The following ERC1 variants were observed in gnomAD, a reference collection of about 807,000 sequenced individuals.
ERC1 encodes ELKS/RAB6-interacting/CAST family member 1, also known as RAB6 interacting protein 2.
Under a neutral mutation model 132.0 loss-of-function variants are expected in ERC1, and 56 were observed. The ratio of observed to expected loss-of-function variants is 0.42; its 90% confidence interval spans 0.34 to 0.53. The LOEUF is 0.53. Ranked by LOEUF, ERC1 falls within the 20% of genes least tolerant of loss-of-function variation. ERC1 has a pLI of 0.03. For missense variants in ERC1, 1,202 were observed against 1,349.9 expected (o/e 0.89, Z 1.72); for synonymous variants, 478 against 476.1 (o/e 1.00, Z -0.05).
chr12:1,112,993 T>G (rs947914573), intron 6 of ERC1, among the ~76,000 whole-genome samples: 3 of 152,224 alleles, frequency 2.0e-5, no homozygotes, highest in African/African-American at 7.2e-5. Context: ...ATGGATGTTG[T>G]GTCTGTGCTG....
Position 1,138,198 on chromosome 12 carries a change from T to TATA in ERC1, c.1570-3421_1570-3419dup, listed in dbSNP as rs1265060032. Among the ~76,000 whole-genome samples, 35 of 112,306 alleles carry TATA rather than the reference T, an allele frequency of 3.1e-4. No homozygotes were observed. The South Asian group carries it at 8.7e-3, about 28-fold the overall frequency. The allele number at this position is 112,306 out of a possible 152,430, so 73.7% of individuals were successfully genotyped here. On this transcript the variant is annotated intron_variant, in intron 7 of 18. Transcript: ENST00000360905. ...ATATAATATATATCATATATAATTA[T>TATA]ATATGATATATATTATATAATATAT...
intron 15 of ERC1, among the ~76,000 whole-genome samples, chr12:1,342,430 G>A (rs1307032023): frequency 6.8e-6 from 1 of 147,524 alleles, no homozygotes; most frequent in Non-Finnish European, 1.5e-5. Flanking sequence ...TTGCGCCATC[G>A]CACTCCAGCC....
intron 17 of ERC1, chr12:1,430,845 A>G (rs1184193196): frequency 6.6e-6 from 1 of 152,386 alleles, no homozygotes; most frequent in East Asian, 1.9e-4. Flanking sequence ...TACTGGAAAC[A>G]GGACAGCCAG....
chr12:1,173,261 A>G (rs1041672724), intron 8 of ERC1, among the ~76,000 whole-genome samples: 2 of 152,166 alleles, frequency 1.3e-5, no homozygotes, highest in Non-Finnish European at 2.9e-5. Context: ...ATTTTCCCAT[A>G]GGCCTGTAGT....
At chr12:1,111,018 A>G (rs1050717245) in intron 5 of ERC1, among the ~76,000 whole-genome samples, 7 of 152,226 alleles carry the variant, frequency 4.6e-5, no homozygotes, top group South Asian at 4.2e-4. Flanking sequence ...GAGGCTTTTT[A>G]ATGAAATGGG....
chr12:1,270,627 A>C (rs2077772704), intron 14 of ERC1, among the ~76,000 whole-genome samples: 1 of 151,826 alleles, frequency 6.6e-6, no homozygotes, highest in Non-Finnish European at 1.5e-5. Flanking sequence ...TTTAATTAAA[A>C]TGTATTCATG....
At chr12:1,256,432 A>G (rs2076825865) in intron 13 of ERC1, among the ~76,000 whole-genome samples, 1 of 140,306 alleles carries the variant, frequency 7.1e-6, no homozygotes, top group Non-Finnish European at 1.5e-5. Flanking sequence ...AAAAAAAAAA[A>G]AAAGTTGATT....
chr12:1,078,436 AT>A (rs11369509), intron 2 of ERC1, among the ~76,000 whole-genome samples: 5 of 146,878 alleles, frequency 3.4e-5, no homozygotes, highest in Non-Finnish European at 3.0e-5. Flanking sequence ...TAAATTCCTG[AT>A]TTTTTTTTTT....
At chr12:997,323 C>A (rs916593924) in intron 1 of ERC1, among the ~76,000 whole-genome samples, 14 of 152,200 alleles carry the variant, frequency 9.2e-5, no homozygotes, top group South Asian at 4.1e-4. Context: ...TAGGCTTTTT[C>A]ATGTCGTCTT....
chr12:1,032,296 G>C (rs952420394), intron 2 of ERC1, among the ~76,000 whole-genome samples: 4 of 152,152 alleles, frequency 2.6e-5, no homozygotes, highest in Admixed American at 2.6e-4. Flanking sequence ...TGATCCGCCT[G>C]CCTTGGCCTC....
At chr12:1,303,429 G>A (rs1306749688) in intron 15 of ERC1, among the ~76,000 whole-genome samples, 2 of 150,688 alleles carry the variant, frequency 1.3e-5, no homozygotes, top group African/African-American at 4.9e-5. Flanking sequence ...AAGGTCAGGA[G>A]ATCGAGACCA....
chr12:1,397,936 A>T (rs768581889), intron 16 of ERC1, among the ~76,000 whole-genome samples: 1 of 152,212 alleles, frequency 6.6e-6, no homozygotes, highest in African/African-American at 2.4e-5. Context: ...TAACTTTATA[A>T]TACAGATTTT....
chr12:1,066,154 A>C (rs1304307974), intron 2 of ERC1, among the ~76,000 whole-genome samples: 1 of 152,198 alleles, frequency 6.6e-6, no homozygotes, highest in Non-Finnish European at 1.5e-5. Flanking sequence ...TAAAATGGTT[A>C]ATTTTATGTT....
intron 17 of ERC1, chr12:1,410,303 T>C: frequency 2.0e-6 from 1 of 499,452 alleles, no homozygotes. Context: ...ACATTATGCT[T>C]ATGTCTTTGT....
intron 15 of ERC1, among the ~76,000 whole-genome samples, chr12:1,336,230 G>C (rs1476671435): frequency 6.7e-6 from 1 of 149,968 alleles, no homozygotes; most frequent in Non-Finnish European, 1.5e-5. Flanking sequence ...CCTTTATATG[G>C]GTTTTCATGT....
chr12:1,150,505 A>T (rs767476899), intron 8 of ERC1, among the ~76,000 whole-genome samples: 7 of 152,176 alleles, frequency 4.6e-5, no homozygotes, highest in Non-Finnish European at 8.8e-5. Context: ...TATTATTTAT[A>T]TTGCTTATTT....
intron 2 of ERC1, among the ~76,000 whole-genome samples, chr12:1,041,647 T>C (rs1488354499): frequency 6.6e-6 from 1 of 152,236 alleles, no homozygotes; most frequent in East Asian, 1.9e-4. Flanking sequence ...TGTTCAGTAT[T>C]GTAATAAAAT....
At chr12:1,426,293 C>A (rs2092637254) in intron 17 of ERC1, among the ~76,000 whole-genome samples, 1 of 152,032 alleles carries the variant, frequency 6.6e-6, no homozygotes, top group Non-Finnish European at 1.5e-5. Flanking sequence ...TTAGTAGAGA[C>A]AGGTTTTCAC....
rs761775012 is a variant in ERC1 at position 1,282,430 on chromosome 12, T to A, written c.2620-7422T>A. On this transcript the variant is annotated intron_variant, in intron 14 of 18. Transcript: ENST00000360905. ...AACAGTGTACTTCAAAGTAGACAAA[T>A]AATGTAAGTAATTATTATTGCAATA... 2.0e-5 allele frequency among the ~76,000 whole-genome samples: 3 copies of A among 152,226 alleles called. No individual in the cohort carries two copies. In the East Asian group the frequency reaches 5.8e-4, roughly 29 times the overall value.
Sources: gnomAD v4.1 joint callset for allele counts (sites outside exome capture counted in the v4.1 genomes callset) on GRCh38, gnomAD v4.1.1 for gene constraint, MANE v1.5 for transcripts, NCBI Gene and HGNC (gene_info 2026-07-23, HGNC 2026-07-21) for gene names.